The following MIPOL1 variants were observed in gnomAD, a reference collection of about 807,000 sequenced individuals.
MIPOL1 encodes the protein mirror-image polydactyly 1.
MIPOL1 carries 57 observed loss-of-function variants against 60.9 expected under a neutral mutation model. The ratio of observed to expected loss-of-function variants is 0.94; its 90% CI spans 0.76 to 1.17. The LOEUF is 1.17. MIPOL1 is among the 50% of genes most tolerant of loss of function. The pLI, the probability that MIPOL1 is intolerant of heterozygous loss-of-function variation, is 0.00. For missense variants in MIPOL1, 551 were observed against 511.6 expected, an observed-to-expected ratio of 1.08 and a Z score of -0.74; for synonymous variants, 179 against 168.8, an observed-to-expected ratio of 1.06 and a Z score of -0.47.
intron 12 of MIPOL1, among the ~76,000 whole-genome samples, chr14:37,521,757 T>TAA (rs2095414198): frequency 6.6e-6 from 1 of 151,830 alleles, no homozygotes; most frequent in Non-Finnish European, 1.5e-5. Flanking sequence ...TATTCCATTT[T>TAA]AAAAAGCAAA....
chr14:37,356,957 G>A (rs1349900129), intron 9 of MIPOL1, among the ~76,000 whole-genome samples: 1 of 152,110 alleles, frequency 6.6e-6, no homozygotes, highest in Non-Finnish European at 1.5e-5. Context: ...TTTTATGATT[G>A]AATAGTACTC....
Position 37,464,990 on chromosome 14 carries a change from G to T in MIPOL1, c.1032-34918G>T, listed in dbSNP as rs1039603013. On this transcript the variant is annotated intron_variant, in intron 11 of 12. Transcript: ENST00000684589. ...AGTTTTGTTATCATTTTAGATTGAA[G>T]CCCCAGACATGTATCTGCTGGCCTC... is the stretch of plus-strand genomic sequence containing the variant. 5.3e-5 allele frequency among the ~76,000 whole-genome samples: 8 copies of T among 152,126 alleles called. No homozygotes were observed. In the East Asian group the frequency reaches 1.4e-3, roughly 26 times the overall value.
chr14:37,342,976 T>C (rs996398559), intron 9 of MIPOL1, among the ~76,000 whole-genome samples: 1 of 149,844 alleles, frequency 6.7e-6, no homozygotes, highest in Admixed American at 6.7e-5. Context: ...TAGGATTGTT[T>C]ATATGTAGTT....
intron 9 of MIPOL1, among the ~76,000 whole-genome samples, chr14:37,356,508 C>T (rs529773175): frequency 2.0e-5 from 3 of 152,220 alleles, no homozygotes; most frequent in South Asian, 2.1e-4. Flanking sequence ...CCCCCAGCCT[C>T]GCTGCCGCCT....
chr14:37,504,903 A>C (rs1400500789), intron 12 of MIPOL1: 2 of 152,216 alleles, frequency 1.3e-5, no homozygotes, highest in Non-Finnish European at 2.9e-5. Flanking sequence ...AGACACAATA[A>C]AAAATGACAA....
chr14:37,499,620 T>C (rs2095185453), intron 11 of MIPOL1, among the ~76,000 whole-genome samples: 1 of 152,216 alleles, frequency 6.6e-6, no homozygotes, highest in African/African-American at 2.4e-5. Flanking sequence ...CTGCTATTCC[T>C]TTTAAAGAAA....
chr14:37,517,673 G>A (rs912325125), intron 12 of MIPOL1, among the ~76,000 whole-genome samples: 1 of 152,120 alleles, frequency 6.6e-6, no homozygotes, highest in Non-Finnish European at 1.5e-5. Context: ...TGCACATAGT[G>A]TAATACAATG....
intron 1 of MIPOL1, among the ~76,000 whole-genome samples, chr14:37,218,736 A>G (rs1968193292): frequency 6.6e-6 from 1 of 151,996 alleles, no homozygotes; most frequent in Admixed American, 6.6e-5. Context: ...CAGGAATTCA[A>G]GACCAGCATA....
Position 37,293,464 on chromosome 14 carries a change from G to C in MIPOL1, c.623+8017G>C, listed in dbSNP as rs550255432. Among the ~76,000 whole-genome samples, 218 of 152,200 alleles carry C rather than the reference G, an allele frequency of 1.4e-3. 2 individuals carry two copies. Among genetic ancestry groups the C allele is most frequent in the African/African-American group, 4.9e-3 (205 of 41,528 alleles). On this transcript the variant is annotated intron_variant, in intron 7 of 12. Coordinates refer to ENST00000684589, the MANE Select transcript of MIPOL1 (RefSeq NM_001388067.1). Reference sequence around the variant, plus strand: ...TGGGGAGTGCCAGACAGTGGGTGCAGGACAGTGGGTGCAGTGCACTGTGCA... The same window carrying C: ...TGGGGAGTGCCAGACAGTGGGTGCACGACAGTGGGTGCAGTGCACTGTGCA...
intron 1 of MIPOL1, among the ~76,000 whole-genome samples, chr14:37,203,035 A>G (rs1965567544): frequency 6.6e-6 from 1 of 152,176 alleles, no homozygotes; most frequent in African/African-American, 2.4e-5. Flanking sequence ...AACTTCACGT[A>G]CCATCTAGAG....
chr14:37,223,826 A>G (rs1215571339), intron 1 of MIPOL1, among the ~76,000 whole-genome samples: 1 of 152,166 alleles, frequency 6.6e-6, no homozygotes, highest in African/African-American at 2.4e-5. Context: ...TTACAAAGTT[A>G]AATTTATTAA....
intron 1 of MIPOL1, among the ~76,000 whole-genome samples, chr14:37,226,783 A>G (rs2153296253): frequency 6.6e-6 from 1 of 152,270 alleles, no homozygotes; most frequent in Admixed American, 6.5e-5. Context: ...CAGCCTGGGC[A>G]GTGGAGTGAG....
intron 12 of MIPOL1, among the ~76,000 whole-genome samples, chr14:37,538,604 C>T (rs1268374450): frequency 6.6e-6 from 1 of 151,948 alleles, no homozygotes; most frequent in Non-Finnish European, 1.5e-5. Context: ...AAAAAATGGC[C>T]ACAAATTTTT....
intron 10 of MIPOL1, among the ~76,000 whole-genome samples, chr14:37,376,334 G>A: frequency 6.6e-6 from 1 of 152,256 alleles, no homozygotes; most frequent in South Asian, 2.1e-4. Flanking sequence ...TGGTCTGCCT[G>A]TTCATCCCTC....
At chr14:37,504,332 C>G (rs1221528448) in intron 12 of MIPOL1, 1 of 152,190 alleles carries the variant, frequency 6.6e-6, no homozygotes, top group Non-Finnish European at 1.5e-5. Context: ...CACACTTATT[C>G]TAAAACTGAC....
chr14:37,307,698 A>G (rs1157290092), intron 7 of MIPOL1, among the ~76,000 whole-genome samples: 1 of 152,072 alleles, frequency 6.6e-6, no homozygotes, highest in African/African-American at 2.4e-5. Flanking sequence ...CCAAAAAAAG[A>G]GAGGAAATAC....
intron 11 of MIPOL1, among the ~76,000 whole-genome samples, chr14:37,442,064 A>C (rs992907761): frequency 5.3e-5 from 8 of 149,724 alleles, no homozygotes; most frequent in African/African-American, 2.0e-4. Context: ...TAGGTTGAAA[A>C]AGTTTCATTC....
Position 37,547,048 on chromosome 14 carries a change from A to G in MIPOL1, c.*77A>G. ...CTTCATTCAACACTGTGTAAACACC[A>G]AAGCCTTAACTTAGCAAACAGTTGT... is the stretch of plus-strand genomic sequence containing the variant. On this transcript the variant is annotated 3_prime_UTR_variant, in exon 13 of 13. Transcript: ENST00000684589. The G allele has an allele frequency of 7.9e-7, 1 of 1,264,386 alleles. No individual in the cohort carries two copies. The highest frequency in any genetic ancestry group is 1.1e-6 in the Non-Finnish European group (1 of 871,856). 78.3% of individuals were successfully genotyped at this position (1,264,386 alleles called of 1,614,324 possible).
intron 1 of MIPOL1, among the ~76,000 whole-genome samples, chr14:37,228,246 C>A (rs1005049713): frequency 4.6e-5 from 7 of 152,078 alleles, no homozygotes; most frequent in African/African-American, 1.7e-4. Flanking sequence ...GAGGTGGCCC[C>A]CAACCCTATT....
Sources: allele counts gnomAD v4.1 joint callset (sites outside exome capture counted in the v4.1 genomes callset), GRCh38; gene constraint gnomAD v4.1.1; transcripts MANE v1.5; gene names NCBI Gene and HGNC (gene_info 2026-07-23, HGNC 2026-07-21).